The following TTC23L variants were observed in gnomAD, a reference collection of about 807,000 sequenced individuals.
TTC23L encodes the protein tetratricopeptide repeat protein 23-like.
Under a neutral mutation model 48.1 loss-of-function variants are expected in TTC23L, and 42 were observed. The observed-to-expected ratio is 0.87, with a 90% CI of 0.68 to 1.13. The LOEUF is 1.13. Ranked by LOEUF, TTC23L falls within the 50% of genes most tolerant of loss-of-function variation. TTC23L has a pLI of 0.00. For missense variants in TTC23L, 391 were observed against 421.0 expected (o/e 0.93, Z 0.62); for synonymous variants, 159 against 157.2 (o/e 1.01, Z -0.09).
chr5:34,863,534 T>C lies in TTC23L; in HGVS notation c.536+480T>C, dbSNP rs373761629. On this transcript the variant is annotated intron_variant, in intron 5 of 10. Coordinates refer to ENST00000505624, the Ensembl canonical transcript of TTC23L. The surrounding 1 kb of genome is among the most constrained non-coding windows in gnomAD (Gnocchi z 4.1). The stretch of plus-strand genomic sequence containing the variant: ...TGACTGAGAGGCTCTGAGGTACATC[T>C]GTTCATTGAAATTTTTAAAAGCCCT... Among the ~76,000 whole-genome samples, 9 of 152,378 alleles carry C rather than the reference T, an allele frequency of 5.9e-5. No individual in the cohort carries two copies. The highest frequency in any genetic ancestry group is 1.9e-4 in the African/African-American group (8 of 41,586).
chr5:34,845,832 C>T, intron 3 of TTC23L, 159 bp downstream of exon 3: 1 of 702,802 alleles, frequency 1.4e-6, no homozygotes, highest in South Asian at 2.1e-5. Context: ...CTTAGGTAGC[C>T]AGCCCACCTT....
At chr5:34,853,373 A>G (rs942484514) in intron 4 of TTC23L, among the ~76,000 whole-genome samples, 5 of 152,160 alleles carry the variant, frequency 3.3e-5, no homozygotes, top group African/African-American at 1.2e-4. Context: ...TCTACTAAAA[A>G]TACAAAAATT....
downstream of TTC23L, among the ~76,000 whole-genome samples, chr5:34,904,284 TAGCA>T (rs887284696): frequency 4.0e-5 from 6 of 151,218 alleles, no homozygotes; most frequent in African/African-American, 1.5e-4. Flanking sequence ...AAACATTTTT[TAGCA>T]AGCAAACAAA....
At chr5:34,890,027 C>T (rs571264604) in intron 9 of TTC23L, among the ~76,000 whole-genome samples, 29 of 151,912 alleles carry the variant, frequency 1.9e-4, no homozygotes, top group Non-Finnish European at 3.7e-4. Context: ...TTAGTAGAGA[C>T]GGGGTTTCCC....
chr5:34,920,443 T>G, the TTC23L span: 2 of 152,218 alleles, frequency 1.3e-5, no homozygotes, highest in Non-Finnish European at 2.9e-5. Context: ...TTAGGATCAT[T>G]TTTTCACTAT....
intron 4 of TTC23L, among the ~76,000 whole-genome samples, chr5:34,858,196 G>A (rs984455227): frequency 6.6e-6 from 1 of 152,160 alleles, no homozygotes; most frequent in African/African-American, 2.4e-5. Context: ...TGTCAGTGCA[G>A]GTAGAAGGGT....
the TTC23L span, chr5:34,908,705 C>A: frequency 1.4e-6 from 2 of 1,422,470 alleles, no homozygotes; most frequent in Non-Finnish European, 1.9e-6. Context: ...GAGTACTGTA[C>A]TCAGAATAAG....
At chr5:34,840,691 G>A (rs779253473) in exon 2 of TTC23L, 6 of 1,613,740 alleles carry the variant, frequency 3.7e-6, no homozygotes, top group Admixed American at 1.7e-5. Context: ...AGCCCCATCC[G>A]TATCCCAACT....
At chr5:34,867,154 C>T (rs1164675234) in intron 7 of TTC23L, 85 bp downstream of exon 7, 2 of 1,356,404 alleles carry the variant, frequency 1.5e-6, no homozygotes, top group South Asian at 1.2e-5. Context: ...ATGGGCTTCT[C>T]AGAAGAACAA....
intron 7 of TTC23L, chr5:34,867,776 A>G (rs771468694): frequency 6.6e-6 from 1 of 152,386 alleles, no homozygotes; most frequent in African/African-American, 2.4e-5. Context: ...AACAGTATAC[A>G]TGAAAACAGA....
intron 4 of TTC23L, among the ~76,000 whole-genome samples, chr5:34,859,349 G>A (rs1451378694): frequency 1.3e-5 from 2 of 152,174 alleles, no homozygotes; most frequent in South Asian, 2.1e-4. Flanking sequence ...AGAGTTTTCT[G>A]TGACCTAACT....
chr5:34,906,564 A>AG, the TTC23L span: 2 of 152,096 alleles, frequency 1.3e-5, no homozygotes, highest in East Asian at 3.9e-4. Flanking sequence ...GCTTGAGCCT[A>AG]GGAGATTGAG....
intron 9 of TTC23L, among the ~76,000 whole-genome samples, chr5:34,880,955 T>A (rs1242327575): frequency 6.6e-6 from 1 of 152,158 alleles, no homozygotes; most frequent in East Asian, 1.9e-4. Context: ...GCCTTTCTTG[T>A]TTGAAATTTT....
At chr5:34,908,932 G>T in the TTC23L span, 37 of 1,607,382 alleles carry the variant, frequency 2.3e-5, no homozygotes, top group Non-Finnish European at 3.0e-5. Context: ...GAGGGTTTCA[G>T]TAAGGAAATC....
intron 6 of TTC23L, among the ~76,000 whole-genome samples, chr5:34,866,274 CTA>C (rs1006053372): frequency 1.1e-4 from 17 of 152,202 alleles, no homozygotes; most frequent in African/African-American, 3.6e-4. Context: ...ATATCAATAA[CTA>C]TATCTCTATG....
rs869123650 is a variant in TTC23L, at chr5:34,846,667, ATGTGTGTGTG to A, written c.255+1026_255+1035del. On this transcript the variant is annotated intron_variant, in intron 3 of 10. Transcript: ENST00000505624. The stretch of plus-strand genomic sequence containing the variant: ...TATATACAAATACATATATGTGTGT[ATGTGTGTGTG>A]TGTGTGTGTGTGTGTGTGTGTGTGT... Among the ~76,000 whole-genome samples, 29 of 66,344 alleles carry A rather than the reference ATGTGTGTGTG, an allele frequency of 4.4e-4. No homozygotes were observed. In the East Asian group the frequency reaches 4.8e-3, roughly 11 times the overall value. The allele number at this position is 66,344 out of a possible 152,430, so 43.5% of individuals were successfully genotyped here. A position where few individuals can be genotyped will look rare whatever the true frequency, so the allele number is the denominator to read the frequency against.
rs201517765 is a variant in TTC23L at position 34,872,119 on chromosome 5, A to G, written c.949+3106A>G. On this transcript the variant is annotated intron_variant, in intron 8 of 10. Coordinates refer to ENST00000505624, the Ensembl canonical transcript of TTC23L. ...ATAGTGAGACCCCATCTCTACCACA[A>G]AAAAAAAAAAAAAGAAGAAGAAGCT... Among the ~76,000 whole-genome samples, 6 of 146,352 alleles carry G rather than the reference A, an allele frequency of 4.1e-5. No homozygotes were observed. In the East Asian group the frequency reaches 1.2e-3, roughly 29 times the overall value.
In TTC23L at chr5:34,893,779, G is replaced by A. The variant is rs1182393234; in HGVS notation, c.1078-2991G>A. Among the ~76,000 whole-genome samples, 8 of 136,862 alleles carry A rather than the reference G, an allele frequency of 5.8e-5. No homozygotes were observed. In the East Asian group the frequency reaches 1.7e-3, roughly 29 times the overall value. 89.8% of individuals were successfully genotyped at this position (136,862 alleles called of 152,430 possible). A position where few individuals can be genotyped will look rare whatever the true frequency, so the allele number is the denominator to read the frequency against. On this transcript the variant is annotated intron_variant, in intron 9 of 10. Coordinates refer to ENST00000505624, the Ensembl canonical transcript of TTC23L. Reference sequence around the variant, plus strand: ...AAAAGGAGTCTCTGAAAAAGTCCTTGAGAATTAGGAGAGTCAGGAAAAAAT... The same window carrying A: ...AAAAGGAGTCTCTGAAAAAGTCCTTAAGAATTAGGAGAGTCAGGAAAAAAT...
chr5:34,909,419 TAAAG>T, the TTC23L span: 43 of 1,139,032 alleles, frequency 3.8e-5, no homozygotes, highest in Non-Finnish European at 5.3e-5. Context: ...AGGATCCAAA[TAAAG>T]AAAACACTTC....
Sources: allele counts gnomAD v4.1 joint callset (sites outside exome capture counted in the v4.1 genomes callset), GRCh38; gene constraint gnomAD v4.1.1; non-coding constraint Gnocchi (gnomAD v3.1); transcripts MANE v1.5; gene names NCBI Gene and HGNC (gene_info 2026-07-23, HGNC 2026-07-21).